CWF19L1: variants seen among roughly 807,000 people sequenced by gnomAD.
CWF19L1 encodes the protein CWF19-like protein 1.
In CWF19L1, 60 loss-of-function variants were observed where a neutral mutation model predicts 69.7. The ratio of observed to expected loss-of-function variants is 0.86; its 90% CI spans 0.70 to 1.07. CWF19L1 has a LOEUF of 1.07. CWF19L1 is among the 50% of genes least tolerant of loss of function. CWF19L1 has a pLI of 0.00. For synonymous variants in CWF19L1, 209 were observed against 222.2 expected (o/e 0.94, Z 0.53); for missense variants, 591 against 638.9 (o/e 0.92, Z 0.81).
intron 5 of CWF19L1, among the ~76,000 whole-genome samples, chr10:100,255,798 C>T (rs1326254010): frequency 8.7e-5 from 13 of 148,986 alleles, no homozygotes; most frequent in South Asian, 2.1e-4. Context: ...GGCGTGGTGG[C>T]GCATGCCTAT....
intron 6 of CWF19L1, 29 bp from the exon 7 acceptor site, chr10:100,250,361 GCAAA>G: frequency 6.9e-7 from 1 of 1,454,234 alleles, no homozygotes; most frequent in Non-Finnish European, 9.6e-7. Flanking sequence ...ACAAAAAATT[GCAAA>G]CAATTTTACT....
chr10:100,237,134 T>G, intron 11 of CWF19L1, 165 bp from the exon 12 acceptor site: 1 of 857,952 alleles, frequency 1.2e-6, no homozygotes. Flanking sequence ...TGTAAGGACT[T>G]AAACTTATGA....
In CWF19L1 at chr10:100,246,895, TC is replaced by T; in HGVS notation, c.748del (p.Asp250MetfsTer6). ...AFSIVPMKLMDAAELVKQPPD... is the reference protein window; with the variant it reads ...AFSIVPMKLMXAAELVKQPPD... ...AGGCTGTTTTACCAGTTCTGCTGCA[TC>T]CATTAGCTTCATGGGAACAATACTG... is the stretch of plus-strand genomic sequence containing the variant. On this transcript the variant is annotated frameshift_variant, in exon 8 of 14. Transcript: ENST00000354105. LOFTEE classifies it high-confidence loss of function. The T allele has an allele frequency of 6.2e-7, 1 of 1,613,768 alleles. No individual in the cohort carries two copies. Among genetic ancestry groups the T allele is most frequent in the Non-Finnish European group, 8.5e-7 (1 of 1,179,708 alleles).
In CWF19L1 at chr10:100,237,751, A is replaced by G. The variant is rs530932897; in HGVS notation, c.1254+271T>C. On this transcript the variant is annotated intron_variant, in intron 11 of 13. Transcript: ENST00000354105. Reference sequence around the variant, plus strand: ...AACCTCTGCCTCCCAGGTTCAAGCTATTCTCCTGTCTCAGCCTCCCGAGTA... The same window carrying G: ...AACCTCTGCCTCCCAGGTTCAAGCTGTTCTCCTGTCTCAGCCTCCCGAGTA... Among the ~76,000 whole-genome samples, 213 of 151,990 alleles carry G rather than the reference A, an allele frequency of 1.4e-3. 2 individuals are homozygous for G. The highest frequency in any genetic ancestry group is 2.4e-4 in the Non-Finnish European group (16 of 67,970).
intron 1 of CWF19L1, 125 bp downstream of exon 1, chr10:100,267,446 A>G (rs1203806488): frequency 6.3e-7 from 1 of 1,590,404 alleles, no homozygotes; most frequent in African/African-American, 1.3e-5. Context: ...TAAGCTCCCC[A>G]GCAGCCCCGT....
At chr10:100,264,883 G>C (rs1847520492) in intron 1 of CWF19L1, among the ~76,000 whole-genome samples, 1 of 152,100 alleles carries the variant, frequency 6.6e-6, no homozygotes, top group African/African-American at 2.4e-5. Flanking sequence ...CACTTTGGGA[G>C]GCTGAGGCAG....
Position 100,246,848 on chromosome 10 carries a change from A to C in CWF19L1, c.796T>G (p.Tyr266Asp). ...GATGCTTCCTGCCCAGATTTTCTGT[A>C]AGGGTTTTCAGTGACATCCGGAGGC... Reference protein sequence around the residue: ...KQPPDVTENPYRKSGQEASIG... With the variant: ...KQPPDVTENPDRKSGQEASIG... Residue 266 changes from tyrosine to aspartate, a missense_variant, in exon 8 of 14, where the codon TAC becomes GAC. This residue lies in a region of CWF19L1 where 458 missense variants were observed against 489.3 expected (regional missense o/e 0.94). Coordinates refer to ENST00000354105, the MANE Select transcript of CWF19L1 (RefSeq NM_018294.6). 1 of 1,614,090 alleles carries C rather than the reference A, an allele frequency of 6.2e-7. No individual in the cohort carries two copies. Among genetic ancestry groups the C allele is most frequent in the South Asian group, 1.1e-5 (1 of 91,084 alleles).
chr10:100,238,999 C>A (rs2134279228), intron 10 of CWF19L1, among the ~76,000 whole-genome samples: 2 of 151,312 alleles, frequency 1.3e-5, no homozygotes, highest in South Asian at 4.2e-4. Context: ...CCACCCCCAC[C>A]CCCGAATATA....
At position 100,261,019 on chromosome 10, in the gene CWF19L1, A is replaced by T. The variant is rs769819771; in HGVS notation, c.134T>A (p.Phe45Tyr). ...CCATTCAGCATCTTGGGTGGAGCCAAAGAAATTTCCTACACACAACAGCAG... is the reference window on the plus strand; with the variant it reads ...CCATTCAGCATCTTGGGTGGAGCCATAGAAATTTCCTACACACAACAGCAG... The part of the protein sequence containing the change: ...FDLLLCVGNF[F>Y]GSTQDAEWEE... The change falls in exon 3 of 14, where the codon TTT (phenylalanine) becomes TAT (tyrosine). Residue 45 changes from phenylalanine to tyrosine, a missense_variant. Around this residue, in one of 3 missense-constraint regions of CWF19L1, gnomAD observed 129 missense variants for 131.3 expected, o/e 0.98. Coordinates refer to ENST00000354105, the MANE Select transcript of CWF19L1 (RefSeq NM_018294.6). The T allele has an allele frequency of 2.5e-6, 4 of 1,612,956 alleles. No homozygotes were observed. The highest frequency in any genetic ancestry group is 2.5e-6 in the Non-Finnish European group (3 of 1,179,210).
At chr10:100,248,017 G>A (rs1046809011) in intron 7 of CWF19L1, among the ~76,000 whole-genome samples, 1 of 152,120 alleles carries the variant, frequency 6.6e-6, no homozygotes, top group Non-Finnish European at 1.5e-5. Context: ...AACAATGCTT[G>A]CCAAATTTTA....
chr10:100,259,083 C>A (rs1454578254), intron 4 of CWF19L1, among the ~76,000 whole-genome samples: 3 of 151,698 alleles, frequency 2.0e-5, no homozygotes, highest in Non-Finnish European at 2.9e-5. Context: ...TGCCTGTAAT[C>A]CCAGCTACTC....
At chr10:100,237,775 T>TG (rs1379466971) in intron 11 of CWF19L1, among the ~76,000 whole-genome samples, 1 of 151,952 alleles carries the variant, frequency 6.6e-6, no homozygotes, top group Non-Finnish European at 1.5e-5. Flanking sequence ...GCCTCCCGAG[T>TG]AGCTGGGATT....
At chr10:100,263,550 T>C (rs1293012046) in intron 1 of CWF19L1, among the ~76,000 whole-genome samples, 1 of 152,228 alleles carries the variant, frequency 6.6e-6, no homozygotes, top group Non-Finnish European at 1.5e-5. Flanking sequence ...CAGTTACCAA[T>C]TTCTAGTGTT....
chr10:100,267,404 G>C, intron 1 of CWF19L1, 167 bp downstream of exon 1: 1 of 984,486 alleles, frequency 1.0e-6, no homozygotes, highest in Non-Finnish European at 1.2e-6. Context: ...GCCAGGAAAA[G>C]AGGTCAGCCC....
chr10:100,249,737 A>C (rs1389596879), intron 7 of CWF19L1, among the ~76,000 whole-genome samples: 1 of 151,800 alleles, frequency 6.6e-6, no homozygotes, highest in Non-Finnish European at 1.5e-5. Context: ...GGTGCCCCCC[A>C]CCACACCTGG....
chr10:100,237,570 TTAAA>T (rs1436299701), intron 11 of CWF19L1, among the ~76,000 whole-genome samples: 1 of 152,154 alleles, frequency 6.6e-6, no homozygotes, highest in African/African-American at 2.4e-5. Context: ...CAGATACTCT[TTAAA>T]AACTTTTTAA....
chr10:100,240,727 G>T (rs1846608746), intron 10 of CWF19L1, among the ~76,000 whole-genome samples: 1 of 152,152 alleles, frequency 6.6e-6, no homozygotes, highest in African/African-American at 2.4e-5. Flanking sequence ...GTGTGATCTT[G>T]AACCTATTGA....
Position 100,245,934 on chromosome 10 carries a change from A to C in CWF19L1, c.850-21T>G, listed in dbSNP as rs752294818. On this transcript the variant is annotated intron_variant, in intron 8 of 13. Coordinates refer to ENST00000354105, the MANE Select transcript of CWF19L1 (RefSeq NM_018294.6). ...TCTTCCTGGAATGGCCAAAAGCAGA[A>C]GATTAAATGTTATTCAACTAACCTT... 8.9e-6 allele frequency: 14 copies of C among 1,565,006 alleles called. No homozygotes were observed. The South Asian group carries it at 1.6e-4, about 17-fold the overall frequency.
intron 7 of CWF19L1, chr10:100,248,653 C>A: frequency 1.2e-6 from 1 of 820,620 alleles, no homozygotes; most frequent in Non-Finnish European, 2.1e-6. Context: ...AGTGGTGGCT[C>A]ACTTTGATGC....
Sources: allele counts gnomAD v4.1 joint callset (sites outside exome capture counted in the v4.1 genomes callset), GRCh38; gene constraint gnomAD v4.1.1; regional missense constraint gnomAD v4.1.1; transcripts MANE v1.5; gene names NCBI Gene and HGNC (gene_info 2026-07-23, HGNC 2026-07-21).